The following LINGO2 variants were observed in gnomAD, a reference collection of about 807,000 sequenced individuals.
LINGO2 encodes the protein leucine-rich repeat and immunoglobulin-like domain-containing nogo receptor-interacting protein 2.
LINGO2 carries 14 observed loss-of-function variants against 30.6 expected under a neutral mutation model. The ratio of observed to expected loss-of-function variants is 0.46; its 90% CI spans 0.30 to 0.72. LINGO2 has a LOEUF of 0.72. Ranked by LOEUF, LINGO2 falls within the 30% of genes least tolerant of loss-of-function variation. The pLI is 0.07. For missense variants in LINGO2, 729 were observed against 751.7 expected, an observed-to-expected ratio of 0.97 and a Z score of 0.35; for synonymous variants, 317 against 288.5, an observed-to-expected ratio of 1.10 and a Z score of -1.00.
chr9:28,944,810 G>A, the LINGO2 span, among the ~76,000 whole-genome samples: 1,256 of 152,242 alleles, frequency 8.3e-3, 25 homozygotes, highest in African/African-American at 0.029. Flanking sequence ...AATAATTGGT[G>A]AAAGTCAATA....
At chr9:29,157,249 CATAA>C in the LINGO2 span, among the ~76,000 whole-genome samples, 4 of 152,054 alleles carry the variant, frequency 2.6e-5, no homozygotes, top group East Asian at 3.9e-4. Flanking sequence ...GAGAAAGACT[CATAA>C]ATAAATAATT....
chr9:28,030,813 C>A (rs1823630085), intron 4 of LINGO2, among the ~76,000 whole-genome samples: 1 of 151,582 alleles, frequency 6.6e-6, no homozygotes, highest in Non-Finnish European at 1.5e-5. Flanking sequence ...AGGGAGTAAT[C>A]CAATGATGAA....
chr9:29,068,874 G>GT, the LINGO2 span, among the ~76,000 whole-genome samples: 18 of 151,022 alleles, frequency 1.2e-4, no homozygotes, highest in Non-Finnish European at 2.5e-4. Flanking sequence ...ACAGATGATT[G>GT]TTTTTTTAAC....
At chr9:28,103,696 A>T (rs539903021) in intron 4 of LINGO2, among the ~76,000 whole-genome samples, 12 of 152,262 alleles carry the variant, frequency 7.9e-5, no homozygotes, top group Middle Eastern at 6.8e-3. Flanking sequence ...CAAAGAAATA[A>T]TTGTTGTTTT....
the LINGO2 span, among the ~76,000 whole-genome samples, chr9:28,795,940 T>C: frequency 8.0e-5 from 12 of 150,150 alleles, no homozygotes; most frequent in Non-Finnish European, 1.8e-4. Context: ...GAAGAATAAA[T>C]AGTCAATGTA....
intron 3 of LINGO2, among the ~76,000 whole-genome samples, chr9:28,317,207 G>A (rs770073702): frequency 7.2e-5 from 11 of 152,066 alleles, no homozygotes; most frequent in Non-Finnish European, 1.5e-4. Context: ...TTCAGCATGT[G>A]ATGCATTTTG....
intron 4 of LINGO2, among the ~76,000 whole-genome samples, chr9:28,231,129 G>A (rs1030531997): frequency 1.1e-4 from 16 of 151,406 alleles, no homozygotes; most frequent in Non-Finnish European, 2.1e-4. Flanking sequence ...GTTTGACAGT[G>A]GGATCAATGA....
At chr9:28,914,799 C>G in the LINGO2 span, among the ~76,000 whole-genome samples, 1 of 152,286 alleles carries the variant, frequency 6.6e-6, no homozygotes, top group East Asian at 1.9e-4. Flanking sequence ...ACAGATCAAA[C>G]TTTACAATCA....
At chr9:28,621,031 T>G (rs10968683) in intron 1 of LINGO2, among the ~76,000 whole-genome samples, 14,638 of 151,998 alleles carry the variant, frequency 0.096, 890 homozygotes, top group East Asian at 0.19. Flanking sequence ...TCTAAAAATT[T>G]ATTTGGATAT....
At chr9:28,456,745 C>T (rs1824866267) in intron 2 of LINGO2, among the ~76,000 whole-genome samples, 1 of 152,090 alleles carries the variant, frequency 6.6e-6, no homozygotes, top group Non-Finnish European at 1.5e-5. Flanking sequence ...TAATTTGAAG[C>T]TTCTAGTTCA....
chr9:28,743,465 A>G, the LINGO2 span, among the ~76,000 whole-genome samples: 1 of 151,906 alleles, frequency 6.6e-6, no homozygotes, highest in South Asian at 2.1e-4. Flanking sequence ...TAGTTTGCTG[A>G]GAATGATGGT....
At chr9:28,097,851 A>G (rs1826292768) in intron 4 of LINGO2, among the ~76,000 whole-genome samples, 1 of 126,504 alleles carries the variant, frequency 7.9e-6, no homozygotes, top group Admixed American at 9.0e-5. Context: ...TGAAATAAAA[A>G]AATAAAAGAT....
the LINGO2 span, among the ~76,000 whole-genome samples, chr9:28,748,605 C>A: frequency 6.6e-6 from 1 of 151,970 alleles, no homozygotes. Flanking sequence ...CTAATATTTT[C>A]ATAAACTCAT....
chr9:28,669,081 T>C (rs767205747), intron 1 of LINGO2, among the ~76,000 whole-genome samples: 3 of 152,066 alleles, frequency 2.0e-5, no homozygotes, highest in Admixed American at 6.6e-5. Context: ...AATATATTTA[T>C]TTTTTATATT....
chr9:29,046,301 C>G, the LINGO2 span, among the ~76,000 whole-genome samples: 1 of 152,050 alleles, frequency 6.6e-6, no homozygotes, highest in Non-Finnish European at 1.5e-5. Flanking sequence ...CAAGGCAATC[C>G]TAAGCAAAAA....
the LINGO2 span, among the ~76,000 whole-genome samples, chr9:29,062,008 T>G: frequency 0.083 from 12,606 of 152,038 alleles, 691 homozygotes; most frequent in East Asian, 0.18. Context: ...ATATGAGCAA[T>G]GGACTTGAAA....
At chr9:29,038,847 C>T in the LINGO2 span, among the ~76,000 whole-genome samples, 1 of 152,004 alleles carries the variant, frequency 6.6e-6, no homozygotes, top group Non-Finnish European at 1.5e-5. Flanking sequence ...AAGGGGAAAA[C>T]TAAAATATTA....
intron 4 of LINGO2, among the ~76,000 whole-genome samples, chr9:28,053,072 A>G (rs923743498): frequency 1.3e-5 from 2 of 152,140 alleles, no homozygotes; most frequent in African/African-American, 4.8e-5. Context: ...AGCAGTAAAC[A>G]GGCAAGAACA....
At chr9:28,460,842 G>A (rs1200841220) in intron 2 of LINGO2, among the ~76,000 whole-genome samples, 1 of 151,900 alleles carries the variant, frequency 6.6e-6, no homozygotes, top group East Asian at 1.9e-4. Context: ...TGGAGGAGTG[G>A]GAGGTGAAGA....
Sources: gnomAD v4.1 joint callset for allele counts (sites outside exome capture counted in the v4.1 genomes callset) on GRCh38, gnomAD v4.1.1 for gene constraint, MANE v1.5 for transcripts, NCBI Gene and HGNC (gene_info 2026-07-23, HGNC 2026-07-21) for gene names.